The following KIAA1217 variants were observed in gnomAD, a reference collection of about 807,000 sequenced individuals.
KIAA1217 encodes KIAA1217.
KIAA1217 carries 88 observed loss-of-function variants against 163.9 expected under a neutral mutation model. That is an observed-to-expected ratio of 0.54 (90% CI 0.45 to 0.64). KIAA1217 has a LOEUF of 0.64. Ranked by LOEUF, KIAA1217 falls within the 30% of genes least tolerant of loss-of-function variation. The pLI is 0.00. For missense variants in KIAA1217, 2,372 were observed against 2,475.0 expected, an observed-to-expected ratio of 0.96 and a Z score of 0.88; for synonymous variants, 903 against 923.1, an observed-to-expected ratio of 0.98 and a Z score of 0.39.
intron 2 of KIAA1217, among the ~76,000 whole-genome samples, chr10:24,116,909 A>G (rs143977354): frequency 9.2e-5 from 14 of 152,326 alleles, no homozygotes; most frequent in African/African-American, 3.4e-4. Flanking sequence ...ATAGTTAGGG[A>G]GTTAGAGTGA....
intron 1 of KIAA1217, among the ~76,000 whole-genome samples, chr10:23,704,653 G>A (rs1426448820): frequency 6.6e-6 from 1 of 151,826 alleles, no homozygotes; most frequent in Non-Finnish European, 1.5e-5. Context: ...TCTTTTTATT[G>A]CCAAATAAAA....
At position 24,543,955 on chromosome 10, in the gene KIAA1217, C is replaced by A. The variant is rs1362108879; in HGVS notation, c.4685C>A (p.Thr1562Asn). Residue 1562 changes from threonine (T) to asparagine (N), a missense_variant, in exon 19 of 21, where the codon ACC becomes AAC. Thr to Asn is a moderately conservative substitution (Grantham distance 65, BLOSUM62 0). Around this residue, in one of 3 missense-constraint regions of KIAA1217, gnomAD observed 690 missense variants for 677.5 expected, o/e 1.02. Coordinates refer to ENST00000376454, the MANE Select transcript of KIAA1217 (RefSeq NM_019590.5). ...PNSECKGEDATDDQFESPKKK... is the reference protein window; with the variant it reads ...PNSECKGEDANDDQFESPKKK... ...TCGGAATGCAAGGGTGAGGACGCGA[C>A]CGATGACCAGTTTGAAAGCCCCAAG... 6.2e-7 allele frequency: 1 copy of A among 1,613,954 alleles called. No homozygotes were observed. Among genetic ancestry groups the A allele is most frequent in the African/African-American group, 1.3e-5 (1 of 74,884 alleles).
intron 3 of KIAA1217, 150 bp from the exon 4 acceptor site, chr10:24,432,845 C>T (rs1422257081): frequency 1.8e-5 from 11 of 621,730 alleles, no homozygotes; most frequent in Non-Finnish European, 2.8e-5. Flanking sequence ...CAGTGCATTC[C>T]TTGGAAATTC....
chr10:24,479,226 T>C (rs2064370736), intron 6 of KIAA1217, among the ~76,000 whole-genome samples: 2 of 152,224 alleles, frequency 1.3e-5, no homozygotes, highest in African/African-American at 4.8e-5. Flanking sequence ...CACTTTCTCA[T>C]TTTATGAGGA....
intron 2 of KIAA1217, among the ~76,000 whole-genome samples, chr10:24,189,479 A>G (rs766750166): frequency 6.6e-6 from 1 of 152,158 alleles, no homozygotes; most frequent in South Asian, 2.1e-4. Context: ...TTCCCCCCAA[A>G]CACACATGTG....
chr10:24,376,623 A>G (rs1435521316), intron 2 of KIAA1217, among the ~76,000 whole-genome samples: 1 of 152,144 alleles, frequency 6.6e-6, no homozygotes, highest in African/African-American at 2.4e-5. Flanking sequence ...TTAGCTGGGC[A>G]TGATGGTACA....
rs2075748879 is a variant in KIAA1217 at position 24,547,069 on chromosome 10, T to TC, written c.*745_*746insC. 1 of 151,310 alleles carries TC rather than the reference T, an allele frequency of 6.6e-6. No homozygotes were observed. 9.4% of individuals were successfully genotyped at this position (151,310 alleles called of 1,614,324 possible). On this transcript the variant is annotated 3_prime_UTR_variant, in exon 21 of 21. Coordinates refer to ENST00000376454, the MANE Select transcript of KIAA1217 (RefSeq NM_019590.5). ...CTTTTTTCCTTCCTTTTTTTTTTTTTTTTCTTTTTTAACATGTTGAGATTC... is the reference window on the plus strand; with the variant it reads ...CTTTTTTCCTTCCTTTTTTTTTTTTTCTTTCTTTTTTAACATGTTGAGATTC...
chr10:24,454,113 A>G (rs1037083912), intron 5 of KIAA1217, among the ~76,000 whole-genome samples: 1 of 152,224 alleles, frequency 6.6e-6, no homozygotes, highest in East Asian at 1.9e-4. Context: ...TTGATGTCCA[A>G]ATGAATTCTA....
At chr10:24,393,810 C>G (rs2055330729) in intron 3 of KIAA1217, among the ~76,000 whole-genome samples, 1 of 152,202 alleles carries the variant, frequency 6.6e-6, no homozygotes, top group Non-Finnish European at 1.5e-5. Flanking sequence ...GGAACCCACA[C>G]AGCTGACACC....
At chr10:24,041,034 G>A (rs10741037) in intron 2 of KIAA1217, among the ~76,000 whole-genome samples, 87,133 of 152,142 alleles carry the variant, frequency 0.57, 26,288 homozygotes, top group African/African-American at 0.71. Context: ...CAAAATTTAT[G>A]CTCTTTCCAG....
At chr10:23,723,772 AT>A (rs959330869) in intron 1 of KIAA1217, among the ~76,000 whole-genome samples, 2 of 152,150 alleles carry the variant, frequency 1.3e-5, no homozygotes, top group Admixed American at 6.5e-5. Context: ...CTGTTTGCTG[AT>A]TTTTTTTAAA....
chr10:24,211,607 A>G (rs909592200), intron 1 of KIAA1217, among the ~76,000 whole-genome samples: 1 of 149,832 alleles, frequency 6.7e-6, no homozygotes, highest in Non-Finnish European at 1.5e-5. Flanking sequence ...ATTTTATTTT[A>G]GAGAAGGGGT....
chr10:23,870,051 C>T (rs12263992), intron 1 of KIAA1217, among the ~76,000 whole-genome samples: 1,931 of 152,128 alleles, frequency 0.013, 57 homozygotes, highest in African/African-American at 0.044. Context: ...CAGGGTAATA[C>T]GTGAACATGA....
chr10:23,701,696 T>A (rs1032477311), intron 1 of KIAA1217, among the ~76,000 whole-genome samples: 2 of 152,240 alleles, frequency 1.3e-5, no homozygotes, highest in African/African-American at 2.4e-5. Context: ...AATAAATACT[T>A]CTTACTTGCT....
intron 7 of KIAA1217, 103 bp downstream of exon 7, chr10:24,494,707 AGGCT>A: frequency 1.1e-6 from 1 of 878,006 alleles, no homozygotes; most frequent in Non-Finnish European, 1.7e-6. Context: ...AATCATTTCA[AGGCT>A]GAAAATATTC....
At chr10:24,466,082 G>C (rs979719103) in intron 5 of KIAA1217, among the ~76,000 whole-genome samples, 6 of 152,126 alleles carry the variant, frequency 3.9e-5, no homozygotes, top group Non-Finnish European at 8.8e-5. Flanking sequence ...TTTTCCCTCT[G>C]GTGTTAAACC....
intron 1 of KIAA1217, among the ~76,000 whole-genome samples, chr10:23,813,787 A>G: frequency 6.6e-6 from 1 of 152,176 alleles, no homozygotes; most frequent in East Asian, 1.9e-4. Flanking sequence ...ACATCTTTCT[A>G]GACTGCATGC....
chr10:24,060,135 C>A (rs748054235), intron 2 of KIAA1217, among the ~76,000 whole-genome samples: 1 of 151,710 alleles, frequency 6.6e-6, no homozygotes, highest in Non-Finnish European at 1.5e-5. Context: ...AAAACTAATT[C>A]TTAATCTCAT....
chr10:23,895,837 T>C (rs975148011), intron 1 of KIAA1217, among the ~76,000 whole-genome samples: 24 of 151,718 alleles, frequency 1.6e-4, no homozygotes, highest in Non-Finnish European at 3.4e-4. Flanking sequence ...TTCATGTCCT[T>C]TGTAGGGACA....
Sources: gnomAD v4.1 joint callset for allele counts (sites outside exome capture counted in the v4.1 genomes callset) on GRCh38, gnomAD v4.1.1 for gene constraint, gnomAD v4.1.1 regional missense constraint, MANE v1.5 for transcripts, NCBI Gene and HGNC (gene_info 2026-07-23, HGNC 2026-07-21) for gene names.